Variants in TASOR observed in about 807,000 individuals in gnomAD.
TASOR encodes the protein transcription activation suppressor.
A neutral mutation model predicts 178.6 loss-of-function variants in TASOR; 53 were observed. The ratio of observed to expected loss-of-function variants is 0.30; its 90% CI spans 0.24 to 0.37. The LOEUF (loss-of-function observed/expected upper bound fraction) is 0.37. Among genes scored for constraint, TASOR ranks in the 10% least tolerant of loss-of-function variants. TASOR has a pLI of 1.00. For synonymous variants in TASOR, 713 were observed against 696.2 expected (o/e 1.02, Z -0.38); for missense variants, 1,815 against 1,971.4 (o/e 0.92, Z 1.50).
chr3:56,649,079 G>A (rs2107583903), intron 11 of TASOR, 22 bp from the exon 12 acceptor site: 1 of 1,548,088 alleles, frequency 6.5e-7, no homozygotes, highest in Non-Finnish European at 8.8e-7. Context: ...GGGGAAGGAA[G>A]AAGTTGTATC....
intron 1 of TASOR, among the ~76,000 whole-genome samples, chr3:56,676,603 A>C (rs539249441): frequency 6.6e-6 from 1 of 152,240 alleles, no homozygotes; most frequent in Non-Finnish European, 1.5e-5. Context: ...TTTCTAAACA[A>C]AATGACTTCA....
chr3:56,622,133 T>C lies in TASOR; in HGVS notation c.*904A>G, dbSNP rs62249737. The C allele has an allele frequency of 0.049, 7,483 of 152,306 alleles. 190 individuals are homozygous for C. Among genetic ancestry groups the C allele is most frequent in the East Asian group, 0.09 (467 of 5,184 alleles). 9.4% of individuals were successfully genotyped at this position (152,306 alleles called of 1,614,324 possible). A position where few individuals can be genotyped will look rare whatever the true frequency, so the allele number is the denominator to read the frequency against. On this transcript the variant is annotated 3_prime_UTR_variant, in exon 24 of 24. Transcript: ENST00000683822. ...GCACTATGACATTTATTTGTAGAAA[T>C]TGCAATTTTCAAAAACATTTTTAAA...
At chr3:56,628,403 A>C in intron 19 of TASOR, 89 bp downstream of exon 19, 1 of 1,243,956 alleles carries the variant, frequency 8.0e-7, no homozygotes, top group Non-Finnish European at 1.1e-6. Flanking sequence ...TTTAAAGCTT[A>C]TTTTAAAAAC....
chr3:56,629,805 G>A (rs978272913), intron 18 of TASOR, among the ~76,000 whole-genome samples: 2 of 152,252 alleles, frequency 1.3e-5, no homozygotes, highest in East Asian at 3.9e-4. Context: ...CAACCAGTCT[G>A]CTGCTCTTTC....
intron 11 of TASOR, among the ~76,000 whole-genome samples, chr3:56,652,451 G>A (rs1410027233): frequency 1.3e-5 from 2 of 151,724 alleles, no homozygotes; most frequent in Non-Finnish European, 2.9e-5. Context: ...CTACCCAGGA[G>A]GATGAGGTAA....
Position 56,623,385 on chromosome 3 carries a change from C to T in TASOR, c.4665G>A (p.Val1555=). 6.2e-7 allele frequency: 1 copy of T among 1,613,654 alleles called. No individual in the cohort carries two copies. Among genetic ancestry groups the T allele is most frequent in the Non-Finnish European group, 8.5e-7 (1 of 1,179,938 alleles). ...TQIELQSSPD[V]QNSLLEDKTY... is the part of the protein sequence containing the mutation. ...TCTTATCTTCTAATAAACTGTTTTGCACATCAGGAGACGATTGCAACTCAA... is the reference window on the plus strand; with the variant it reads ...TCTTATCTTCTAATAAACTGTTTTGTACATCAGGAGACGATTGCAACTCAA... The change falls in exon 24 of 24, where the codon GTG becomes GTA. Residue 1555 remains valine (V), a synonymous_variant. Coordinates refer to ENST00000683822, the MANE Select transcript of TASOR (RefSeq NM_001365635.2).
chr3:56,666,224 T>C, intron 7 of TASOR, 36 bp downstream of exon 7: 1 of 1,483,282 alleles, frequency 6.7e-7, no homozygotes, highest in Non-Finnish European at 9.0e-7. Context: ...AGTAGAATTA[T>C]CACTGCGGAT....
intron 3 of TASOR, chr3:56,671,325 CAAGACTCCATCTCAGAAAAAAATA>C (rs1354427177): frequency 4.1e-6 from 1 of 242,818 alleles, no homozygotes; most frequent in East Asian, 9.5e-5. Flanking sequence ...GGTGACAGAG[CAAGACTCCATCTCAGAAAAAAATA>C]AATAAATAAA....
intron 11 of TASOR, among the ~76,000 whole-genome samples, chr3:56,657,228 T>C (rs1048949050): frequency 6.7e-6 from 1 of 148,530 alleles, no homozygotes; most frequent in Admixed American, 6.9e-5. Context: ...CTCCGGAGAC[T>C]GAGGCAAGGG....
In TASOR at chr3:56,666,267, A is replaced by C; in HGVS notation, c.1015T>G (p.Ser339Ala). 1.3e-6 allele frequency: 2 copies of C among 1,538,290 alleles called. No individual in the cohort carries two copies. The highest frequency in any genetic ancestry group is 1.8e-6 in the Non-Finnish European group (2 of 1,142,190). ...DDIQTPKFVP[S>A]SRSNSFNTDR... ...AAAACTCCTAAGTCTTACCTTGATGAAGGTACAAACTTCGGAGTTTGTATA... is the reference window on the plus strand; with the variant it reads ...AAAACTCCTAAGTCTTACCTTGATGCAGGTACAAACTTCGGAGTTTGTATA... Residue 339 changes from serine to alanine, a missense_variant, in exon 7 of 24, where the codon TCA (serine) becomes GCA (alanine). By Grantham distance (99) the Ser-to-Ala change is moderately conservative. Around this residue, in one of 5 missense-constraint regions of TASOR, gnomAD observed 504 missense variants for 645.3 expected, o/e 0.78. Coordinates refer to ENST00000683822, the MANE Select transcript of TASOR (RefSeq NM_001365635.2).
intron 11 of TASOR, among the ~76,000 whole-genome samples, chr3:56,655,895 T>C (rs1461824169): frequency 6.6e-6 from 1 of 152,212 alleles, no homozygotes; most frequent in Admixed American, 6.5e-5. Flanking sequence ...TCACCCTTCT[T>C]ATGATGACGT....
At chr3:56,674,139 G>A (rs1326618548) in intron 1 of TASOR, among the ~76,000 whole-genome samples, 1 of 143,434 alleles carries the variant, frequency 7.0e-6, no homozygotes, top group Non-Finnish European at 1.5e-5. Context: ...GACCATAAAA[G>A]CATTTAAGAC....
chr3:56,623,492 CT>C lies in TASOR; in HGVS notation c.4557del (p.Val1520TyrfsTer41). 6.2e-7 allele frequency: 1 copy of C among 1,612,774 alleles called. No homozygotes were observed. The stretch of plus-strand genomic sequence containing the variant: ...ATTTCTGAATGAAAATTGCTGCATA[CT>C]TCTATATGTGAGATTTCATCCCCTG... ...LDSGDEISHIEVCSNFHSEIW... is the reference protein window; with the variant it reads ...LDSGDEISHIXVCSNFHSEIW... On this transcript the variant is annotated frameshift_variant, in exon 24 of 24. Transcript: ENST00000683822. LOFTEE classifies it high-confidence loss of function.
chr3:56,629,042 G>C (rs2076856644), intron 18 of TASOR: 1 of 152,780 alleles, frequency 6.5e-6, no homozygotes, highest in Non-Finnish European at 1.4e-5. Context: ...CAAAGTGCTG[G>C]GATTACAGGC....
rs1487072168 is a variant in TASOR, at chr3:56,633,881, T to C, written c.2910A>G (p.Arg970=). ...AGGATGGAAACTGGTAATCAGAACT[T>C]CTCTGTCTATTTATTACCCGGGGGT... The part of the protein sequence containing the change: ...PNDPRVINRQ[R]SSDYQFPSSP... Residue 970 remains arginine, a synonymous_variant, in exon 18 of 24, where the codon AGA becomes AGG. Coordinates refer to ENST00000683822, the MANE Select transcript of TASOR (RefSeq NM_001365635.2). 6.2e-7 allele frequency: 1 copy of C among 1,603,888 alleles called. No homozygotes were observed. Among genetic ancestry groups the C allele is most frequent in the East Asian group, 2.2e-5 (1 of 44,610 alleles).
At chr3:56,677,558 C>T (rs991749360) in intron 1 of TASOR, among the ~76,000 whole-genome samples, 4 of 152,134 alleles carry the variant, frequency 2.6e-5, no homozygotes, top group Non-Finnish European at 4.4e-5. Flanking sequence ...GATTCAAATT[C>T]AAGTGGTTAA....
At chr3:56,680,437 T>A (rs7648297) in intron 1 of TASOR, among the ~76,000 whole-genome samples, 28,213 of 152,086 alleles carry the variant, frequency 0.19, 3,450 homozygotes, top group South Asian at 0.41. Flanking sequence ...TGAGTCAAGT[T>A]GTATTTGCAT....
chr3:56,637,914 T>A (rs899675436), intron 17 of TASOR, among the ~76,000 whole-genome samples: 1 of 152,188 alleles, frequency 6.6e-6, no homozygotes, highest in African/African-American at 2.4e-5. Context: ...AGCTAATCAA[T>A]AATATCTGCA....
intron 3 of TASOR, among the ~76,000 whole-genome samples, chr3:56,670,660 G>T (rs745862073): frequency 4.6e-5 from 7 of 152,216 alleles, no homozygotes; most frequent in South Asian, 2.1e-4. Context: ...AACAGACCAG[G>T]CATGGTGGCT....
Sources: gnomAD v4.1 joint callset for allele counts (sites outside exome capture counted in the v4.1 genomes callset) on GRCh38, gnomAD v4.1.1 for gene constraint, gnomAD v4.1.1 regional missense constraint, MANE v1.5 for transcripts, NCBI Gene and HGNC (gene_info 2026-07-23, HGNC 2026-07-21) for gene names.